Variants in CADM2 observed in about 807,000 individuals in gnomAD.
CADM2 encodes the protein cell adhesion molecule 2, also known as immunoglobulin superfamily member 4D.
A neutral mutation model predicts 49.8 loss-of-function variants in CADM2; 12 were observed. The ratio of observed to expected loss-of-function variants is 0.24; its 90% CI spans 0.15 to 0.39. The LOEUF (loss-of-function observed/expected upper bound fraction) is 0.39, where lower values mean the gene tolerates loss of function less well. CADM2 is among the 10% of genes least tolerant of loss of function. CADM2 has a pLI of 1.00. For synonymous variants in CADM2, 214 were observed against 175.4 expected, an observed-to-expected ratio of 1.22 and a Z score of -1.74; for missense variants, 378 against 492.3, an observed-to-expected ratio of 0.77 and a Z score of 2.20.
intron 1 of CADM2, among the ~76,000 whole-genome samples, chr3:85,194,442 A>T (rs1167961798): frequency 2.0e-5 from 3 of 152,116 alleles, no homozygotes; most frequent in Admixed American, 6.6e-5. Flanking sequence ...ACTTGGGCAG[A>T]CCAAACAGAC....
chr3:86,013,214 AG>A, intron 8 of CADM2: 1 of 1,402,516 alleles, frequency 7.1e-7, no homozygotes, highest in Non-Finnish European at 1.0e-6. Context: ...GAAACTTCTG[AG>A]CAGGAACAAA....
intron 1 of CADM2, among the ~76,000 whole-genome samples, chr3:85,009,011 T>C (rs771075258): frequency 1.2e-4 from 18 of 152,202 alleles, no homozygotes; most frequent in Non-Finnish European, 2.6e-4. Context: ...GCCATAGTTC[T>C]GGTTTTCATT....
intron 8 of CADM2, among the ~76,000 whole-genome samples, chr3:85,982,472 A>G (rs1727595349): frequency 6.6e-6 from 1 of 151,646 alleles, no homozygotes; most frequent in South Asian, 2.1e-4. Flanking sequence ...TGGGAAGTTC[A>G]TATTATCTAT....
chr3:85,950,853 T>C (rs940314355), intron 7 of CADM2, among the ~76,000 whole-genome samples: 9 of 151,200 alleles, frequency 6.0e-5, no homozygotes, highest in South Asian at 2.1e-4. Flanking sequence ...AATGTCATAA[T>C]TGATTTTAAA....
At chr3:84,977,077 G>A (rs1468337958) in intron 1 of CADM2, among the ~76,000 whole-genome samples, 1 of 151,850 alleles carries the variant, frequency 6.6e-6, no homozygotes, top group African/African-American at 2.4e-5. Context: ...AGACTATGCT[G>A]GTCAAGAGAA....
intron 1 of CADM2, among the ~76,000 whole-genome samples, chr3:85,467,488 T>A (rs1462613118): frequency 6.6e-6 from 1 of 152,178 alleles, no homozygotes; most frequent in Non-Finnish European, 1.5e-5. Context: ...GTAAATTGGA[T>A]GTTTATGTCA....
chr3:85,198,053 A>G (rs937443294), intron 1 of CADM2, among the ~76,000 whole-genome samples: 1 of 151,938 alleles, frequency 6.6e-6, no homozygotes, highest in African/African-American at 2.4e-5. Context: ...AGCTAATAAT[A>G]TGGTTTATTT....
At chr3:85,969,239 C>T (rs1159057960) in intron 8 of CADM2, among the ~76,000 whole-genome samples, 3 of 151,534 alleles carry the variant, frequency 2.0e-5, no homozygotes, top group Non-Finnish European at 3.0e-5. Flanking sequence ...CCTCATTGTC[C>T]TACTTTTCCA....
chr3:85,071,162 T>C (rs772387045), intron 1 of CADM2, among the ~76,000 whole-genome samples: 10 of 151,862 alleles, frequency 6.6e-5, no homozygotes, highest in Non-Finnish European at 1.5e-4. Context: ...AGGAAATATA[T>C]GTATTGATAT....
At chr3:85,118,811 G>A (rs971705785) in intron 1 of CADM2, among the ~76,000 whole-genome samples, 15 of 152,112 alleles carry the variant, frequency 9.9e-5, no homozygotes, top group East Asian at 3.9e-4. Context: ...GTGCAATGGC[G>A]CGATCTCCGC....
In CADM2 at chr3:85,601,648, A is replaced by T. The variant is rs192890054; in HGVS notation, c.62-124874A>T. 6.4e-4 allele frequency among the ~76,000 whole-genome samples: 97 copies of T among 151,528 alleles called. 1 individual carries two copies. Among genetic ancestry groups the T allele is most frequent in the Middle Eastern group, 3.5e-3 (1 of 282 alleles). On this transcript the variant is annotated intron_variant, in intron 1 of 9. Transcript: ENST00000383699. ...ACACTATTTTTAAAAAAACGTTTAT[A>T]TTCAGGTTAATGAGTATTTGAATCT...
At chr3:85,311,840 G>T (rs2044353061) in intron 1 of CADM2, among the ~76,000 whole-genome samples, 1 of 152,222 alleles carries the variant, frequency 6.6e-6, no homozygotes, top group African/African-American at 2.4e-5. Flanking sequence ...AGTCTAAATG[G>T]TTTTTACAGA....
intron 5 of CADM2, among the ~76,000 whole-genome samples, chr3:85,887,802 C>T (rs1713872653): frequency 6.6e-6 from 1 of 152,140 alleles, no homozygotes; most frequent in South Asian, 2.1e-4. Flanking sequence ...CATTTCTGGA[C>T]TTGGTTAGAT....
At chr3:85,692,729 T>G (rs947352612) in intron 1 of CADM2, among the ~76,000 whole-genome samples, 1 of 152,226 alleles carries the variant, frequency 6.6e-6, no homozygotes, top group African/African-American at 2.4e-5. Context: ...TCACCAGTTA[T>G]TCTCTGTTTC....
At chr3:85,147,773 ATT>A (rs2039798710) in intron 1 of CADM2, among the ~76,000 whole-genome samples, 1 of 152,172 alleles carries the variant, frequency 6.6e-6, no homozygotes, top group African/African-American at 2.4e-5. Flanking sequence ...AATTTATGCT[ATT>A]TCCATTCATC....
intron 1 of CADM2, among the ~76,000 whole-genome samples, chr3:85,612,466 A>G (rs1476408658): frequency 6.6e-6 from 1 of 151,872 alleles, no homozygotes; most frequent in East Asian, 1.9e-4. Context: ...GATACTATTA[A>G]TAATGGAAAT....
At chr3:85,264,423 G>A (rs1000760547) in intron 1 of CADM2, among the ~76,000 whole-genome samples, 3 of 151,930 alleles carry the variant, frequency 2.0e-5, no homozygotes, top group African/African-American at 4.8e-5. Context: ...TCAGACAATC[G>A]TATATCAGAA....
At chr3:85,925,267 G>A (rs1719680571) in intron 6 of CADM2, among the ~76,000 whole-genome samples, 1 of 152,056 alleles carries the variant, frequency 6.6e-6, no homozygotes, top group South Asian at 2.1e-4. Flanking sequence ...ATATTCCGAT[G>A]GGTTGCTATT....
chr3:85,607,727 G>C (rs1046071562), intron 1 of CADM2, among the ~76,000 whole-genome samples: 3 of 151,736 alleles, frequency 2.0e-5, no homozygotes, highest in Non-Finnish European at 2.9e-5. Flanking sequence ...CGCCATCTCA[G>C]CTCACTGCAG....
Sources: allele counts gnomAD v4.1 joint callset (sites outside exome capture counted in the v4.1 genomes callset), GRCh38; gene constraint gnomAD v4.1.1; transcripts MANE v1.5; gene names NCBI Gene and HGNC (gene_info 2026-07-23, HGNC 2026-07-21).